The following AK5 variants were observed in gnomAD, a reference collection of about 807,000 sequenced individuals.
The protein encoded by AK5 is adenylate kinase isoenzyme 5.
Under a neutral mutation model 69.5 loss-of-function variants are expected in AK5, and 27 were observed. That is an observed-to-expected ratio of 0.39 (90% CI 0.29 to 0.54). AK5 has a LOEUF of 0.54. Ranked by LOEUF, AK5 falls within the 20% of genes least tolerant of loss-of-function variation. AK5 has a pLI of 0.71. For synonymous variants in AK5, 260 were observed against 244.4 expected (o/e 1.06, Z -0.60); for missense variants, 531 against 700.4 (o/e 0.76, Z 2.73).
At chr1:77,433,686 A>C (rs2100617131) in intron 8 of AK5, among the ~76,000 whole-genome samples, 1 of 152,286 alleles carries the variant, frequency 6.6e-6, no homozygotes, top group South Asian at 2.1e-4. Context: ...AAGCAGCTGT[A>C]AACTATAGAT....
chr1:77,541,839 A>G lies in AK5; in HGVS notation c.1620+5801A>G, dbSNP rs76978450. ...ACGGCACTCTGATTCCCAGCTCCAG[A>G]TTCCTGAGAGAAATGATGTGGTTGG... On this transcript the variant is annotated intron_variant, in intron 13 of 13. Transcript: ENST00000354567. Among the ~76,000 whole-genome samples, 666 of 152,242 alleles carry G rather than the reference A, an allele frequency of 4.4e-3. 5 individuals carry two copies. Among genetic ancestry groups the G allele is most frequent in the African/African-American group, 0.015 (620 of 41,540 alleles).
At chr1:77,392,488 A>T (rs1457229632) in intron 6 of AK5, among the ~76,000 whole-genome samples, 1 of 152,216 alleles carries the variant, frequency 6.6e-6, no homozygotes, top group Non-Finnish European at 1.5e-5. Flanking sequence ...TGTTTTCTTA[A>T]AGTGAGATAA....
intron 11 of AK5, among the ~76,000 whole-genome samples, chr1:77,521,138 C>A (rs1209117756): frequency 6.6e-6 from 1 of 151,832 alleles, no homozygotes; most frequent in Non-Finnish European, 1.5e-5. Context: ...CAGTAAGATA[C>A]CTTTTTTTTT....
chr1:77,381,711 ACT>A (rs1026277561), intron 6 of AK5, among the ~76,000 whole-genome samples: 7 of 152,084 alleles, frequency 4.6e-5, no homozygotes, highest in African/African-American at 1.7e-4. Context: ...TTCCCAGGTA[ACT>A]CTATTTTATC....
chr1:77,490,568 A>G (rs1217818104), intron 10 of AK5, among the ~76,000 whole-genome samples: 1 of 152,234 alleles, frequency 6.6e-6, no homozygotes, highest in Non-Finnish European at 1.5e-5. Flanking sequence ...GGACCAGATG[A>G]TCCAAAGGAT....
intron 6 of AK5, among the ~76,000 whole-genome samples, chr1:77,347,374 C>T (rs1291484274): frequency 2.0e-5 from 3 of 152,186 alleles, no homozygotes; most frequent in Non-Finnish European, 4.4e-5. Flanking sequence ...CTCTGGGCAA[C>T]AAGCACTTAT....
chr1:77,418,799 G>A (rs920506131), intron 8 of AK5, among the ~76,000 whole-genome samples: 1 of 152,058 alleles, frequency 6.6e-6, no homozygotes, highest in Non-Finnish European at 1.5e-5. Flanking sequence ...CAGTGTCCAT[G>A]TGTAATGGCT....
chr1:77,421,653 G>A (rs1650821435), intron 8 of AK5, among the ~76,000 whole-genome samples: 1 of 152,130 alleles, frequency 6.6e-6, no homozygotes, highest in Admixed American at 6.6e-5. Context: ...CCCAGGAAGG[G>A]AGAGATGGGT....
intron 13 of AK5, among the ~76,000 whole-genome samples, chr1:77,551,363 A>T (rs1369651824): frequency 1.3e-5 from 2 of 152,092 alleles, no homozygotes. Context: ...CAAGTAAAAG[A>T]CTGCTTTTCC....
At chr1:77,503,732 T>C (rs1332962470) in intron 10 of AK5, among the ~76,000 whole-genome samples, 1 of 151,966 alleles carries the variant, frequency 6.6e-6, no homozygotes, top group Non-Finnish European at 1.5e-5. Flanking sequence ...TGAAACCCTG[T>C]CTCTACTAAA....
intron 13 of AK5, among the ~76,000 whole-genome samples, chr1:77,547,271 C>CT (rs532879024): frequency 0.019 from 2,038 of 107,424 alleles, 139 homozygotes; most frequent in African/African-American, 0.03. Flanking sequence ...ATAAAGTTCT[C>CT]TTTTTTTTTT....
chr1:77,411,520 A>G (rs1414664476), intron 7 of AK5, among the ~76,000 whole-genome samples: 2 of 151,994 alleles, frequency 1.3e-5, no homozygotes, highest in Admixed American at 6.6e-5. Context: ...TTCTCTTCCT[A>G]AGTGCTCTTG....
intron 10 of AK5, among the ~76,000 whole-genome samples, chr1:77,511,959 G>C (rs1456708236): frequency 6.6e-6 from 1 of 152,200 alleles, no homozygotes; most frequent in Non-Finnish European, 1.5e-5. Context: ...GATGCTATCA[G>C]AGTGGGAGAA....
At chr1:77,293,610 GC>G (rs2100654010) in intron 2 of AK5, 182 bp from the exon 3 acceptor site, 1 of 494,866 alleles carries the variant, frequency 2.0e-6, no homozygotes, top group East Asian at 3.5e-5. Flanking sequence ...GGCTCTCAAA[GC>G]CCAAAATATT....
At chr1:77,354,132 G>C (rs1051541291) in intron 6 of AK5, among the ~76,000 whole-genome samples, 4 of 152,142 alleles carry the variant, frequency 2.6e-5, no homozygotes, top group African/African-American at 9.7e-5. Context: ...TGGTGGGAAA[G>C]ACAGAATCAA....
intron 13 of AK5, among the ~76,000 whole-genome samples, chr1:77,551,770 A>T (rs1659835407): frequency 6.6e-6 from 1 of 152,214 alleles, no homozygotes; most frequent in Admixed American, 6.5e-5. Flanking sequence ...CTCTAAGAAC[A>T]TGTTTCCTCC....
Position 77,293,787 on chromosome 1 carries a change from T to C in AK5, c.248-6T>C. ...TCCTTTTCAAAGTTATCTTACTCTT[T>C]TGCAGTAATGCCTGAAAACTCAAAC... On this transcript the variant is annotated splice_region_variant and splice_polypyrimidine_tract_variant and intron_variant, in intron 2 of 13. Coordinates refer to ENST00000354567, the MANE Select transcript of AK5 (RefSeq NM_174858.3). 6.3e-7 allele frequency: 1 copy of C among 1,595,702 alleles called. No homozygotes were observed. Among genetic ancestry groups the C allele is most frequent in the African/African-American group, 1.4e-5 (1 of 73,882 alleles).
chr1:77,328,423 C>T (rs1245926271), intron 5 of AK5, among the ~76,000 whole-genome samples: 4 of 151,938 alleles, frequency 2.6e-5, no homozygotes, highest in African/African-American at 4.8e-5. Context: ...TTGCCTGAAC[C>T]CAGGAGGCGG....
chr1:77,327,788 A>G (rs888317079), intron 5 of AK5, among the ~76,000 whole-genome samples: 2 of 152,204 alleles, frequency 1.3e-5, no homozygotes, highest in East Asian at 1.9e-4. Flanking sequence ...CATGTTTTAC[A>G]TTATATGTTA....
Sources: allele counts gnomAD v4.1 joint callset (sites outside exome capture counted in the v4.1 genomes callset), GRCh38; gene constraint gnomAD v4.1.1; transcripts MANE v1.5; gene names NCBI Gene and HGNC (gene_info 2026-07-23, HGNC 2026-07-21).